QTMAN: variants seen among roughly 807,000 people sequenced by gnomAD.
The protein encoded by QTMAN is tRNA-queuosine alpha-mannosyltransferase.
At chr2:144,167,431 G>A in the QTMAN span, among the ~76,000 whole-genome samples, 5 of 152,066 alleles carry the variant, frequency 3.3e-5, no homozygotes, top group African/African-American at 1.2e-4. Context: ...TAATTGATAC[G>A]GTTTGGCTCC....
chr2:144,321,908 A>T, the QTMAN span, among the ~76,000 whole-genome samples: 1 of 152,186 alleles, frequency 6.6e-6, no homozygotes, highest in African/African-American at 2.4e-5. Flanking sequence ...TGCCATGGTG[A>T]ACAGCTCCAA....
At chr2:144,201,166 C>T in the QTMAN span, among the ~76,000 whole-genome samples, 126 of 152,190 alleles carry the variant, frequency 8.3e-4, no homozygotes, top group African/African-American at 3.0e-3. Flanking sequence ...AAAAAGAGTG[C>T]TAAAATAGAG....
At chr2:144,049,163 A>G in the QTMAN span, among the ~76,000 whole-genome samples, 5 of 152,238 alleles carry the variant, frequency 3.3e-5, no homozygotes, top group African/African-American at 1.2e-4. Context: ...GATGAGGCCC[A>G]AAACAGTATC....
chr2:144,094,844 T>TAAAGA, the QTMAN span, among the ~76,000 whole-genome samples: 1 of 152,342 alleles, frequency 6.6e-6, no homozygotes, highest in South Asian at 2.1e-4. Context: ...GAGTCAAAGT[T>TAAAGA]GCCCCTTGGC....
At chr2:144,239,167 G>A in the QTMAN span, among the ~76,000 whole-genome samples, 21,622 of 135,568 alleles carry the variant, frequency 0.16, 2,451 homozygotes, top group African/African-American at 0.35. Flanking sequence ...TTAAAAAAAA[G>A]AAAAGAAAAA....
the QTMAN span, among the ~76,000 whole-genome samples, chr2:144,332,141 C>A: frequency 6.6e-6 from 1 of 151,168 alleles, no homozygotes; most frequent in Middle Eastern, 3.2e-3. Flanking sequence ...AAACGCAATT[C>A]GAACACGACC....
chr2:144,083,212 G>A, the QTMAN span, among the ~76,000 whole-genome samples: 1 of 152,204 alleles, frequency 6.6e-6, no homozygotes, highest in Non-Finnish European at 1.5e-5. Flanking sequence ...TACTGGCTTG[G>A]TTAGAAAAGG....
chr2:144,299,279 TC>T, the QTMAN span, among the ~76,000 whole-genome samples: 3 of 151,572 alleles, frequency 2.0e-5, no homozygotes, highest in Admixed American at 6.6e-5. Flanking sequence ...AACAAAATCT[TC>T]CCCCCCAACA....
chr2:144,144,347 T>A, the QTMAN span, among the ~76,000 whole-genome samples: 1 of 151,888 alleles, frequency 6.6e-6, no homozygotes, highest in Admixed American at 6.6e-5. Context: ...GTAACTTCCA[T>A]TAACTTTAAA....
chr2:144,317,652 C>T, the QTMAN span: 2 of 152,134 alleles, frequency 1.3e-5, no homozygotes, highest in Non-Finnish European at 2.9e-5. Context: ...TTTGTCATTT[C>T]AGAAAGCAAT....
chr2:144,069,977 T>G, the QTMAN span, among the ~76,000 whole-genome samples: 1 of 152,114 alleles, frequency 6.6e-6, no homozygotes. Flanking sequence ...CATTAAAAAA[T>G]ATTATTGCTC....
chr2:143,999,274 G>T, the QTMAN span, among the ~76,000 whole-genome samples: 1 of 151,882 alleles, frequency 6.6e-6, no homozygotes, highest in Admixed American at 6.6e-5. Context: ...ACAGTCAGGG[G>T]GATTAACACT....
the QTMAN span, among the ~76,000 whole-genome samples, chr2:144,148,423 T>C: frequency 1.3e-5 from 2 of 151,844 alleles, no homozygotes; most frequent in Non-Finnish European, 2.9e-5. Context: ...ACAGATTTCA[T>C]GGAGCAAGGC....
chr2:144,094,319 A>C, the QTMAN span, among the ~76,000 whole-genome samples: 1 of 152,216 alleles, frequency 6.6e-6, no homozygotes, highest in African/African-American at 2.4e-5. Context: ...AATAGGTTGA[A>C]ATTTATCTTC....
chr2:144,320,702 C>T, the QTMAN span, among the ~76,000 whole-genome samples: 1 of 152,186 alleles, frequency 6.6e-6, no homozygotes, highest in Non-Finnish European at 1.5e-5. Context: ...GGCAGTATTT[C>T]CTGCCAAAGA....
At chr2:144,052,050 T>C in the QTMAN span, among the ~76,000 whole-genome samples, 1 of 152,220 alleles carries the variant, frequency 6.6e-6, no homozygotes, top group South Asian at 2.1e-4. Flanking sequence ...CTGCCCCAAA[T>C]GGGGCGACTG....
At chr2:144,124,800 A>G in the QTMAN span, among the ~76,000 whole-genome samples, 1 of 152,116 alleles carries the variant, frequency 6.6e-6, no homozygotes, top group Non-Finnish European at 1.5e-5. Flanking sequence ...ATCTGACACC[A>G]TTTGCTTCCT....
chr2:144,117,490 G>A, the QTMAN span, among the ~76,000 whole-genome samples: 5 of 152,050 alleles, frequency 3.3e-5, no homozygotes, highest in African/African-American at 4.8e-5. Context: ...TTCAGACTCC[G>A]AAATTAACAC....
the QTMAN span, among the ~76,000 whole-genome samples, chr2:143,992,554 A>G: frequency 2.6e-5 from 4 of 152,098 alleles, no homozygotes; most frequent in Non-Finnish European, 4.4e-5. Context: ...AAATAAATAA[A>G]TAAAAATAAA....
Sources: gnomAD v4.1 joint callset for allele counts (sites outside exome capture counted in the v4.1 genomes callset) on GRCh38, gnomAD v4.1.1 for gene constraint, MANE v1.5 for transcripts, NCBI Gene and HGNC (gene_info 2026-07-23, HGNC 2026-07-21) for gene names.